JAZF1: variants seen among roughly 807,000 people sequenced by gnomAD.
JAZF1 encodes JAZF zinc finger 1, also known as juxtaposed with another zinc finger protein 1.
JAZF1 carries 8 observed loss-of-function variants against 26.4 expected under a neutral mutation model. That is an observed-to-expected ratio of 0.30 (90% CI 0.18 to 0.55). The LOEUF (loss-of-function observed/expected upper bound fraction) is 0.55. Among genes scored for constraint, JAZF1 ranks in the 20% least tolerant of loss-of-function variants. The pLI, the probability that JAZF1 is intolerant of heterozygous loss-of-function variation, is 0.94. For synonymous variants in JAZF1, 126 were observed against 122.3 expected (o/e 1.03, Z -0.20); for missense variants, 199 against 322.0 (o/e 0.62, Z 2.92).
chr7:27,992,212 T>C (rs1429996818), intron 1 of JAZF1: 1 of 601,290 alleles, frequency 1.7e-6, no homozygotes, highest in Admixed American at 2.2e-5. Context: ...AAAATGTCCA[T>C]CTGTCACACA....
intron 2 of JAZF1, among the ~76,000 whole-genome samples, chr7:27,952,761 T>A (rs1785032220): frequency 6.6e-6 from 1 of 152,230 alleles, no homozygotes; most frequent in Admixed American, 6.5e-5. Context: ...TTTCTTGTTA[T>A]GCACAGAAAT....
At chr7:27,964,738 A>T (rs1562542489) in intron 2 of JAZF1, among the ~76,000 whole-genome samples, 1 of 151,800 alleles carries the variant, frequency 6.6e-6, no homozygotes. Context: ...GAACCAACAT[A>T]TTTTGGTAGT....
intron 1 of JAZF1, among the ~76,000 whole-genome samples, chr7:28,114,954 C>T (rs1295477508): frequency 6.6e-6 from 1 of 152,010 alleles, no homozygotes; most frequent in Non-Finnish European, 1.5e-5. Flanking sequence ...GGCCTGCAGT[C>T]CAGGGAGTAA....
chr7:27,942,693 C>A (rs12538288), intron 2 of JAZF1, among the ~76,000 whole-genome samples: 145,551 of 152,316 alleles, frequency 0.96, 69,636 homozygotes, highest in East Asian at 1. Flanking sequence ...CACCACAATA[C>A]GTTTTAATTA....
chr7:27,923,127 C>A (rs1784559187), intron 2 of JAZF1, among the ~76,000 whole-genome samples: 1 of 152,140 alleles, frequency 6.6e-6, no homozygotes, highest in Non-Finnish European at 1.5e-5. Flanking sequence ...ATTCTAAGAC[C>A]ATGCCTTCTG....
intron 2 of JAZF1, among the ~76,000 whole-genome samples, chr7:27,926,669 A>C (rs1444730701): frequency 2.0e-5 from 3 of 152,266 alleles, no homozygotes. Flanking sequence ...AGTGATGTAG[A>C]CAAAAAGAAT....
chr7:27,991,888 T>C, intron 2 of JAZF1, 21 bp downstream of exon 2: 2 of 1,388,538 alleles, frequency 1.4e-6, no homozygotes, highest in East Asian at 2.3e-5. Context: ...GTTGTTATAA[T>C]AAATTCTGAA....
At chr7:27,890,407 A>T (rs912925169) in intron 3 of JAZF1, among the ~76,000 whole-genome samples, 6 of 152,244 alleles carry the variant, frequency 3.9e-5, no homozygotes, top group Non-Finnish European at 7.3e-5. Context: ...GTGAAAATGA[A>T]AGTTACAGTG....
At chr7:27,930,008 CTTTT>C (rs1280750800) in intron 2 of JAZF1, among the ~76,000 whole-genome samples, 4 of 145,434 alleles carry the variant, frequency 2.8e-5, no homozygotes, top group African/African-American at 1.0e-4. Flanking sequence ...TTCTTTCTTT[CTTTT>C]TGAGACGGAG....
At chr7:28,024,421 G>A (rs34325103) in intron 1 of JAZF1, among the ~76,000 whole-genome samples, 26,215 of 152,122 alleles carry the variant, frequency 0.17, 2,509 homozygotes, top group South Asian at 0.24. Flanking sequence ...CTGGGTCCAA[G>A]GGTGGAGAAA....
At chr7:27,905,733 C>G (rs761600592) in intron 2 of JAZF1, among the ~76,000 whole-genome samples, 2 of 151,820 alleles carry the variant, frequency 1.3e-5, no homozygotes, top group African/African-American at 2.4e-5. Flanking sequence ...TCTATCATCA[C>G]CAGCCTCTAA....
At position 28,104,377 on chromosome 7, in the gene JAZF1, A is replaced by G. The variant is rs143577391; in HGVS notation, c.115+76086T>C. Among the ~76,000 whole-genome samples the G allele has an allele frequency of 5.5e-4, 83 of 152,272 alleles. No homozygotes were observed. In the East Asian group the frequency reaches 0.011, roughly 21 times the overall value. Reference sequence around the variant, plus strand: ...GGATTTCTTTATTGTTTTGTTCCCAATTGTATCCTTTGTACCTAGGACAGG... The same window carrying G: ...GGATTTCTTTATTGTTTTGTTCCCAGTTGTATCCTTTGTACCTAGGACAGG... On this transcript the variant is annotated intron_variant, in intron 1 of 4. Coordinates refer to ENST00000283928, the MANE Select transcript of JAZF1 (RefSeq NM_175061.4).
intron 3 of JAZF1, among the ~76,000 whole-genome samples, chr7:27,888,475 AG>A (rs1242608550): frequency 6.6e-6 from 1 of 152,204 alleles, no homozygotes; most frequent in African/African-American, 2.4e-5. Flanking sequence ...TAAAGGCATG[AG>A]GGAAGAGCTC....
At chr7:27,902,168 A>C (rs73685844) in intron 2 of JAZF1, among the ~76,000 whole-genome samples, 3,704 of 152,334 alleles carry the variant, frequency 0.024, 135 homozygotes, top group African/African-American at 0.077. Context: ...GTACGTGATT[A>C]TATGGGGCTG....
intron 3 of JAZF1, among the ~76,000 whole-genome samples, chr7:27,875,325 G>C (rs944020436): frequency 1.3e-5 from 2 of 151,954 alleles, no homozygotes; most frequent in Non-Finnish European, 2.9e-5. Flanking sequence ...CTCTTTCCTC[G>C]GCACAGCTGG....
intron 1 of JAZF1, among the ~76,000 whole-genome samples, chr7:28,015,027 GTGTGTA>G (rs886521223): frequency 1.5e-4 from 17 of 114,620 alleles, no homozygotes; most frequent in African/African-American, 4.7e-4. Context: ...AAAGCAGAAA[GTGTGTA>G]TGTGTGTGTG....
intron 1 of JAZF1, among the ~76,000 whole-genome samples, chr7:28,113,488 G>A (rs928246046): frequency 2.6e-5 from 4 of 152,092 alleles, no homozygotes; most frequent in African/African-American, 9.7e-5. Flanking sequence ...GACCTTGGGC[G>A]TTCTCACCTG....
intron 2 of JAZF1, among the ~76,000 whole-genome samples, chr7:27,946,492 TC>T (rs2128353668): frequency 6.6e-6 from 1 of 152,044 alleles, no homozygotes; most frequent in Admixed American, 6.5e-5. Flanking sequence ...CATCCGAGAG[TC>T]TCCATGATTC....
chr7:28,129,163 C>A (rs1782749770), intron 1 of JAZF1, among the ~76,000 whole-genome samples: 1 of 151,996 alleles, frequency 6.6e-6, no homozygotes, highest in Non-Finnish European at 1.5e-5. Context: ...TCTGTGAATA[C>A]CCCCCAAACT....
Sources: allele counts gnomAD v4.1 joint callset (sites outside exome capture counted in the v4.1 genomes callset), GRCh38; gene constraint gnomAD v4.1.1; transcripts MANE v1.5; gene names NCBI Gene and HGNC (gene_info 2026-07-23, HGNC 2026-07-21).